The following TTLL7 variants were observed in gnomAD, a reference collection of about 807,000 sequenced individuals.
TTLL7 encodes tubulin polyglutamylase TTLL7.
A neutral mutation model predicts 120.2 loss-of-function variants in TTLL7; 53 were observed. The observed-to-expected ratio is 0.44, with a 90% CI of 0.35 to 0.55. The LOEUF (loss-of-function observed/expected upper bound fraction) is 0.55. Ranked by LOEUF, TTLL7 falls within the 20% of genes least tolerant of loss-of-function variation. TTLL7 has a pLI of 0.00. For synonymous variants in TTLL7, 353 were observed against 351.7 expected, an observed-to-expected ratio of 1.00 and a Z score of -0.04; for missense variants, 803 against 1,054.7, an observed-to-expected ratio of 0.76 and a Z score of 3.31.
rs779150465 is a variant in TTLL7, at chr1:83,890,306, T to C, written c.2369+15A>G. 1 of 1,580,384 alleles carries C rather than the reference T, an allele frequency of 6.3e-7. No individual in the cohort carries two copies. The highest frequency in any genetic ancestry group is 8.5e-7 in the Non-Finnish European group (1 of 1,170,146). On this transcript the variant is annotated intron_variant, in intron 19 of 20. Transcript: ENST00000260505. The stretch of plus-strand genomic sequence containing the variant: ...TATTAAAAATGACGATAATAAAAGA[T>C]GACTTAGAGCTTACCCTGAATCACA...
chr1:83,904,615 A>ATATGG (rs1657029385), intron 17 of TTLL7, among the ~76,000 whole-genome samples: 2 of 152,242 alleles, frequency 1.3e-5, no homozygotes, highest in East Asian at 1.9e-4. Context: ...AGCCTGGGCA[A>ATATGG]CAGAATGAGA....
At chr1:83,921,623 G>C (rs1658678265) in intron 10 of TTLL7, among the ~76,000 whole-genome samples, 1 of 152,090 alleles carries the variant, frequency 6.6e-6, no homozygotes, top group Non-Finnish European at 1.5e-5. Flanking sequence ...TGGAAATAGT[G>C]CATGTTTTAG....
At chr1:83,899,100 T>G (rs1656491578) in intron 18 of TTLL7, among the ~76,000 whole-genome samples, 1 of 151,838 alleles carries the variant, frequency 6.6e-6, no homozygotes. Flanking sequence ...AACTTTATAG[T>G]AAAGTTTTAA....
intron 1 of TTLL7, among the ~76,000 whole-genome samples, chr1:83,970,414 G>T (rs576018021): frequency 6.6e-6 from 1 of 152,152 alleles, no homozygotes; most frequent in Admixed American, 6.5e-5. Context: ...GGAACATACA[G>T]TACACACTGA....
intron 18 of TTLL7, among the ~76,000 whole-genome samples, chr1:83,902,570 C>A (rs1025571384): frequency 5.6e-4 from 85 of 152,078 alleles, no homozygotes; most frequent in African/African-American, 2.0e-3. Context: ...TTCAAGGACA[C>A]CCAGTTCTCA....
intron 18 of TTLL7, among the ~76,000 whole-genome samples, chr1:83,892,177 TG>T (rs1169173347): frequency 6.7e-6 from 1 of 149,292 alleles, no homozygotes; most frequent in African/African-American, 2.5e-5. Context: ...TAAAAACACA[TG>T]GGGAATACAC....
In TTLL7 at chr1:83,933,978, C is replaced by T. The variant is rs1208238542; in HGVS notation, c.889-212G>A. On this transcript the variant is annotated intron_variant, in intron 8 of 20. Coordinates refer to ENST00000260505, the MANE Select transcript of TTLL7 (RefSeq NM_024686.6). ...TGGGTTCCTCAAGTAAGTGACACTT[C>T]TTCCTATCTTAAGTCCTTTGAGTTA... is the stretch of plus-strand genomic sequence containing the variant. Among the ~76,000 whole-genome samples the T allele has an allele frequency of 2.0e-5, 3 of 152,144 alleles. No homozygotes were observed. The East Asian group carries it at 5.8e-4, about 29-fold the overall frequency.
intron 1 of TTLL7, among the ~76,000 whole-genome samples, chr1:83,965,953 T>G (rs1650422959): frequency 1.3e-5 from 2 of 152,056 alleles, no homozygotes. Flanking sequence ...AAATCAAGAT[T>G]TGCTATCACA....
intron 2 of TTLL7, 23 bp downstream of exon 2, chr1:83,952,164 C>G (rs1557722454): frequency 6.2e-7 from 1 of 1,609,946 alleles, no homozygotes; most frequent in African/African-American, 1.3e-5. Flanking sequence ...TATTTTGTAA[C>G]ATAGTTAAGT....
intron 20 of TTLL7, among the ~76,000 whole-genome samples, chr1:83,872,610 G>T (rs1324994349): frequency 6.6e-6 from 1 of 152,090 alleles, no homozygotes; most frequent in African/African-American, 2.4e-5. Context: ...TTCTTTCAAA[G>T]AATTTCCAAG....
At chr1:83,892,083 T>C (rs1465663138) in intron 18 of TTLL7, among the ~76,000 whole-genome samples, 1 of 151,546 alleles carries the variant, frequency 6.6e-6, no homozygotes, top group Non-Finnish European at 1.5e-5. Context: ...CCCACCATGG[T>C]CACCCAAAAT....
chr1:83,921,497 T>C (rs1658664394), intron 10 of TTLL7, 103 bp from the exon 11 acceptor site: 2 of 1,255,884 alleles, frequency 1.6e-6, no homozygotes, highest in African/African-American at 1.5e-5. Context: ...AAGCTCAGAA[T>C]CAATGTTTAT....
chr1:83,889,406 G>C (rs1327343607), intron 19 of TTLL7, among the ~76,000 whole-genome samples: 1 of 151,982 alleles, frequency 6.6e-6, no homozygotes, highest in Admixed American at 6.6e-5. Flanking sequence ...GATTTGCTTT[G>C]TATATATCAT....
chr1:83,909,951 G>GA (rs1208828939), intron 15 of TTLL7, among the ~76,000 whole-genome samples: 2 of 151,880 alleles, frequency 1.3e-5, no homozygotes, highest in East Asian at 3.9e-4. Flanking sequence ...GAATCCTTCA[G>GA]AAAAAAGGAA....
intron 15 of TTLL7, among the ~76,000 whole-genome samples, chr1:83,910,158 G>C (rs1337191723): frequency 1.3e-5 from 2 of 152,110 alleles, no homozygotes; most frequent in African/African-American, 4.8e-5. Flanking sequence ...TCCTCTAAAA[G>C]CTTCATCTAT....
chr1:83,988,619 C>T (rs983562790), intron 1 of TTLL7, among the ~76,000 whole-genome samples: 5 of 152,126 alleles, frequency 3.3e-5, no homozygotes, highest in African/African-American at 1.2e-4. Context: ...TTTTGATTTG[C>T]ATGTCTCTGG....
chr1:83,971,161 G>A (rs1339885678), intron 1 of TTLL7, among the ~76,000 whole-genome samples: 1 of 152,064 alleles, frequency 6.6e-6, no homozygotes, highest in Non-Finnish European at 1.5e-5. Context: ...ATATGGGCAG[G>A]ACATTGAAGG....
At chr1:83,874,054 G>A (rs1011101993) in intron 20 of TTLL7, among the ~76,000 whole-genome samples, 2 of 152,010 alleles carry the variant, frequency 1.3e-5, no homozygotes, top group African/African-American at 2.4e-5. Flanking sequence ...CATTCACAAT[G>A]TGTGTAACCA....
intron 1 of TTLL7, among the ~76,000 whole-genome samples, chr1:83,959,405 C>A (rs1014711818): frequency 6.6e-6 from 1 of 152,232 alleles, no homozygotes; most frequent in Non-Finnish European, 1.5e-5. Flanking sequence ...TAGAAATCAC[C>A]TGGCCAAGTA....
Sources: gnomAD v4.1 joint callset for allele counts (sites outside exome capture counted in the v4.1 genomes callset) on GRCh38, gnomAD v4.1.1 for gene constraint, MANE v1.5 for transcripts, NCBI Gene and HGNC (gene_info 2026-07-23, HGNC 2026-07-21) for gene names.